The following SLC25A48 variants were observed in gnomAD, a reference collection of about 807,000 sequenced individuals.
The protein encoded by SLC25A48 is CTC-321K16.1.
SLC25A48 carries 29 observed loss-of-function variants against 32.2 expected under a neutral mutation model. That is an observed-to-expected ratio of 0.90 (90% confidence interval 0.67 to 1.23). The LOEUF is 1.23. SLC25A48 is among the 50% of genes most tolerant of loss of function. The pLI is 0.00. For synonymous variants in SLC25A48, 164 were observed against 172.3 expected (o/e 0.95, Z 0.38); for missense variants, 399 against 422.7 (o/e 0.94, Z 0.49).
intron 1 of SLC25A48, among the ~76,000 whole-genome samples, chr5:135,608,087 G>A (rs1751980121): frequency 6.6e-6 from 1 of 152,192 alleles, no homozygotes; most frequent in African/African-American, 2.4e-5. Flanking sequence ...TTGATAAATG[G>A]TCCAAGCTCA....
rs535703469 is a variant in SLC25A48 at position 135,807,378 on chromosome 5, A to T, written c.-520-5145A>T. Among the ~76,000 whole-genome samples the T allele has an allele frequency of 1.2e-3, 185 of 150,808 alleles. 1 individual carries two copies. Among genetic ancestry groups the T allele is most frequent in the Admixed American group, 1.9e-3 (29 of 15,158 alleles). On this transcript the variant is annotated intron_variant, in intron 3 of 10. Transcript: ENST00000646290. ...TAATATCTTAGTGTGTTAACACTAG[A>T]TATTTAAAATATTATGGATATTTCA... is the stretch of plus-strand genomic sequence containing the variant.
At chr5:135,842,562 C>A in intron 2 of SLC25A48, 103 bp downstream of exon 2, 1 of 1,217,412 alleles carries the variant, frequency 8.2e-7, no homozygotes, top group Non-Finnish European at 1.2e-6. Flanking sequence ...AGTCTTCTGC[C>A]CAGGGCAGAC....
intron 3 of SLC25A48, among the ~76,000 whole-genome samples, chr5:135,706,846 T>C (rs2126970797): frequency 6.6e-6 from 1 of 152,340 alleles, no homozygotes; most frequent in Admixed American, 6.5e-5. Context: ...TGTCAGGCAG[T>C]GGTGGGTGAG....
At chr5:135,884,400 C>A (rs1427081704) in intron 7 of SLC25A48, among the ~76,000 whole-genome samples, 1 of 152,198 alleles carries the variant, frequency 6.6e-6, no homozygotes, top group Non-Finnish European at 1.5e-5. Context: ...CCTGGGACTG[C>A]AGGGTCCCCT....
chr5:135,663,656 C>T (rs1753456257), intron 3 of SLC25A48, among the ~76,000 whole-genome samples: 1 of 152,288 alleles, frequency 6.6e-6, no homozygotes, highest in Middle Eastern at 3.4e-3. Context: ...GGAACAGGTA[C>T]ACAAAAATGA....
At position 135,850,516 on chromosome 5, in the gene SLC25A48, G is replaced by A. The variant is rs1196691293; in HGVS notation, c.162+20G>A. Reference sequence around the variant, plus strand: ...GAGAGTGTAAGTGCCCCTTGGGCGGGTGGAGTGATGCCTGCCTGGGCCCCC... The same window carrying A: ...GAGAGTGTAAGTGCCCCTTGGGCGGATGGAGTGATGCCTGCCTGGGCCCCC... On this transcript the variant is annotated intron_variant, in intron 3 of 7. Transcript: ENST00000681962. The A allele has an allele frequency of 6.2e-7, 1 of 1,613,184 alleles. No individual in the cohort carries two copies. The highest frequency in any genetic ancestry group is 8.5e-7 in the Non-Finnish European group (1 of 1,179,510).
chr5:135,669,815 C>T (rs1170252617), intron 3 of SLC25A48, among the ~76,000 whole-genome samples: 1 of 152,122 alleles, frequency 6.6e-6, no homozygotes, highest in African/African-American at 2.4e-5. Context: ...GCAATGGTGC[C>T]CGAGGCTGAG....
At chr5:135,650,117 G>A (rs1753071673) in intron 3 of SLC25A48, 1 of 186,788 alleles carries the variant, frequency 5.4e-6, no homozygotes, top group South Asian at 9.1e-5. Context: ...TTCTTTAGGT[G>A]GCCCATAATT....
chr5:135,671,074 A>G (rs2074202), intron 3 of SLC25A48, among the ~76,000 whole-genome samples: 103,819 of 152,082 alleles, frequency 0.68, 35,962 homozygotes, highest in Middle Eastern at 0.79. Flanking sequence ...GTTGGGATAC[A>G]TGAAGTGGGT....
At chr5:135,823,179 G>C (rs565775244) in intron 4 of SLC25A48, among the ~76,000 whole-genome samples, 1 of 152,148 alleles carries the variant, frequency 6.6e-6, no homozygotes, top group Non-Finnish European at 1.5e-5. Flanking sequence ...TGGGATTCAC[G>C]AAGGCTGGGG....
At chr5:135,716,634 T>C (rs75862322) in intron 3 of SLC25A48, among the ~76,000 whole-genome samples, 113 of 152,312 alleles carry the variant, frequency 7.4e-4, no homozygotes, top group African/African-American at 2.6e-3. Context: ...TCAGCCAGTA[T>C]CAGGTAAAGA....
intron 3 of SLC25A48, among the ~76,000 whole-genome samples, chr5:135,812,244 T>C (rs1757606820): frequency 6.6e-6 from 1 of 152,224 alleles, no homozygotes; most frequent in African/African-American, 2.4e-5. Flanking sequence ...GCATGCAATT[T>C]GTAACAATCA....
intron 3 of SLC25A48, among the ~76,000 whole-genome samples, chr5:135,655,100 G>C (rs1480256019): frequency 1.3e-5 from 2 of 152,208 alleles, no homozygotes; most frequent in Non-Finnish European, 2.9e-5. Context: ...TTGTGAATAG[G>C]TTGTTGGGAG....
chr5:135,724,299 A>C (rs192744575), intron 3 of SLC25A48, among the ~76,000 whole-genome samples: 2 of 152,358 alleles, frequency 1.3e-5, no homozygotes, highest in African/African-American at 4.8e-5. Context: ...ACTGAGGCTC[A>C]AGATGTTGAA....
intron 3 of SLC25A48, among the ~76,000 whole-genome samples, chr5:135,697,642 C>T (rs575477704): frequency 1.4e-4 from 21 of 152,246 alleles, no homozygotes; most frequent in African/African-American, 4.3e-4. Context: ...TCCTACATAA[C>T]GGGAAGGTAG....
At chr5:135,771,380 A>C (rs1322340415) in intron 3 of SLC25A48, among the ~76,000 whole-genome samples, 1 of 151,578 alleles carries the variant, frequency 6.6e-6, no homozygotes, top group African/African-American at 2.4e-5. Context: ...AGAGTGTATT[A>C]CTTCATATAT....
chr5:135,753,860 C>T (rs1286213276), intron 3 of SLC25A48, among the ~76,000 whole-genome samples: 1 of 151,836 alleles, frequency 6.6e-6, no homozygotes, highest in African/African-American at 2.4e-5. Context: ...ACGTGTACAC[C>T]CACTGTGATA....
intron 4 of SLC25A48, among the ~76,000 whole-genome samples, chr5:135,858,842 C>T (rs1265893033): frequency 6.6e-6 from 1 of 152,180 alleles, no homozygotes; most frequent in Non-Finnish European, 1.5e-5. Context: ...CTTGTGGGTT[C>T]CAAGGGTTGG....
At chr5:135,881,290 C>A (rs934133631) in intron 7 of SLC25A48, among the ~76,000 whole-genome samples, 3 of 152,226 alleles carry the variant, frequency 2.0e-5, no homozygotes, top group African/African-American at 7.2e-5. Flanking sequence ...GTCTATAAAA[C>A]CTCACTGCTG....
Sources: allele counts gnomAD v4.1 joint callset (sites outside exome capture counted in the v4.1 genomes callset), GRCh38; gene constraint gnomAD v4.1.1; transcripts MANE v1.5; gene names NCBI Gene and HGNC (gene_info 2026-07-23, HGNC 2026-07-21).